The following GPAM variants were observed in gnomAD, a reference collection of about 807,000 sequenced individuals.
GPAM encodes the protein glycerol-3-phosphate acyltransferase, mitochondrial, also known as glycerol-3-phosphate acyltransferase 1, mitochondrial.
Under a neutral mutation model 105.0 loss-of-function variants are expected in GPAM, and 56 were observed. The ratio of observed to expected loss-of-function variants is 0.53; its 90% CI spans 0.43 to 0.67. The LOEUF (loss-of-function observed/expected upper bound fraction) is 0.67, where lower values mean the gene tolerates loss of function less well. Among genes scored for constraint, GPAM ranks in the 30% least tolerant of loss-of-function variants. The pLI, the probability that GPAM is intolerant of heterozygous loss-of-function variation, is 0.00. For missense variants in GPAM, 855 were observed against 989.8 expected (o/e 0.86, Z 1.83); for synonymous variants, 368 against 354.4 (o/e 1.04, Z -0.43).
chr10:112,219,456 C>T (rs577992969), upstream of GPAM, among the ~76,000 whole-genome samples: 5 of 152,294 alleles, frequency 3.3e-5, no homozygotes, highest in African/African-American at 9.6e-5. Context: ...GATCTTGATT[C>T]GTGGCACCAA....
In GPAM at chr10:112,169,864, T is replaced by C. The variant is rs534317026; in HGVS notation, c.795-912A>G. On this transcript the variant is annotated intron_variant, in intron 9 of 21. Transcript: ENST00000348367. The stretch of plus-strand genomic sequence containing the variant: ...CCTCCTGTCAGATCAGCAACAGCAT[T>C]AGATTCTCATAGGATAGGAGCGCAA... Among the ~76,000 whole-genome samples the C allele has an allele frequency of 1.2e-4, 18 of 152,254 alleles. No homozygotes were observed. The East Asian group carries it at 2.9e-3, about 25-fold the overall frequency.
intron 1 of GPAM, among the ~76,000 whole-genome samples, chr10:112,194,214 G>A (rs76975841): frequency 0.039 from 6,000 of 152,242 alleles, 394 homozygotes; most frequent in African/African-American, 0.14. Context: ...AATCCGCTTT[G>A]TTGGGTAAAG....
At chr10:112,198,218 C>T (rs535105095) in intron 1 of GPAM, among the ~76,000 whole-genome samples, 6 of 152,276 alleles carry the variant, frequency 3.9e-5, no homozygotes, top group African/African-American at 1.4e-4. Context: ...AATGTCCAGT[C>T]CCCTCAAAGT....
upstream of GPAM, among the ~76,000 whole-genome samples, chr10:112,218,872 A>C (rs1589616417): frequency 6.6e-6 from 1 of 152,176 alleles, no homozygotes. Context: ...CATTATAATT[A>C]ATACATAATG....
chr10:112,153,214 T>C lies in GPAM; in HGVS notation c.*336A>G. 1 of 1,150,836 alleles carries C rather than the reference T, an allele frequency of 8.7e-7. No individual in the cohort carries two copies. Among genetic ancestry groups the C allele is most frequent in the Non-Finnish European group, 1.1e-6 (1 of 924,578 alleles). The allele number at this position is 1,150,836 out of a possible 1,614,324, so 71.3% of individuals were successfully genotyped here. ...TCCAGAACACAGCTACATTTCTGTG[T>C]CCATCACAGTAATTAGTCCTTAAAA... On this transcript the variant is annotated 3_prime_UTR_variant, in exon 22 of 22. Coordinates refer to ENST00000348367, the MANE Select transcript of GPAM (RefSeq NM_001244949.2).
chr10:112,194,051 T>C (rs1847695023), intron 1 of GPAM, among the ~76,000 whole-genome samples: 1 of 152,238 alleles, frequency 6.6e-6, no homozygotes, highest in Non-Finnish European at 1.5e-5. Flanking sequence ...AGTTTGTTTC[T>C]TGCCTATGCT....
intron 1 of GPAM, among the ~76,000 whole-genome samples, chr10:112,203,036 G>A (rs1274611350): frequency 6.6e-6 from 1 of 152,178 alleles, no homozygotes; most frequent in Non-Finnish European, 1.5e-5. Context: ...AGTGGTGCTT[G>A]ACGGTGTGTA....
At chr10:112,185,842 T>A (rs758268878), upstream of GPAM, among the ~76,000 whole-genome samples, 1 of 151,288 alleles carries the variant, frequency 6.6e-6, no homozygotes, top group Non-Finnish European at 1.5e-5. Flanking sequence ...AATGAAACAC[T>A]AAGGGAAGAA....
At chr10:112,203,506 T>C (rs1012506254) in intron 1 of GPAM, among the ~76,000 whole-genome samples, 1 of 152,238 alleles carries the variant, frequency 6.6e-6, no homozygotes, top group Non-Finnish European at 1.5e-5. Flanking sequence ...GCTTTCCCAC[T>C]CTGCCCCTTT....
chr10:112,197,459 T>TC (rs35400825), intron 1 of GPAM, among the ~76,000 whole-genome samples: 161 of 150,548 alleles, frequency 1.1e-3, no homozygotes, highest in Non-Finnish European at 1.9e-3. Flanking sequence ...TTTTTTTTTT[T>TC]CAGTAGTGCA....
chr10:112,219,641 CACTT>C (rs1449057700), upstream of GPAM, among the ~76,000 whole-genome samples: 1 of 152,216 alleles, frequency 6.6e-6, no homozygotes, highest in African/African-American at 2.4e-5. Context: ...TGCAAGCTGT[CACTT>C]ATTACATTTT....
intron 1 of GPAM, among the ~76,000 whole-genome samples, chr10:112,190,499 T>TAAA (rs11446981): frequency 7.4e-6 from 1 of 135,942 alleles, no homozygotes. Flanking sequence ...GACTCCATCT[T>TAAA]AAAAAAAAAA....
intron 1 of GPAM, among the ~76,000 whole-genome samples, chr10:112,209,132 T>C (rs1847883033): frequency 6.6e-6 from 1 of 152,214 alleles, no homozygotes; most frequent in Admixed American, 6.5e-5. Flanking sequence ...CTGCACTAAA[T>C]TGCCTGTTGA....
At chr10:112,159,590 TGTTA>T (rs1366337805) in intron 17 of GPAM, among the ~76,000 whole-genome samples, 1 of 152,136 alleles carries the variant, frequency 6.6e-6, no homozygotes, top group African/African-American at 2.4e-5. Context: ...CAGGTGGGTG[TGTTA>T]ATTATTTACA....
intron 9 of GPAM, among the ~76,000 whole-genome samples, chr10:112,170,832 A>T (rs1398561374): frequency 6.6e-6 from 1 of 152,228 alleles, no homozygotes; most frequent in Non-Finnish European, 1.5e-5. Context: ...TCTTGTCTAA[A>T]GCACAGCTGG....
upstream of GPAM, among the ~76,000 whole-genome samples, chr10:112,216,160 T>C (rs1260799271): frequency 6.6e-6 from 1 of 152,224 alleles, no homozygotes; most frequent in Non-Finnish European, 1.5e-5. Flanking sequence ...TATAGACTGG[T>C]AGACAAACCC....
intron 20 of GPAM, chr10:112,155,599 G>T: frequency 2.7e-6 from 1 of 374,184 alleles, no homozygotes; most frequent in Non-Finnish European, 4.9e-6. Flanking sequence ...TTTATACAAT[G>T]GAACACTACA....
At chr10:112,210,723 T>C (rs1317168017) in intron 1 of GPAM, among the ~76,000 whole-genome samples, 1 of 152,164 alleles carries the variant, frequency 6.6e-6, no homozygotes, top group Non-Finnish European at 1.5e-5. Flanking sequence ...TCTGCAAACT[T>C]AGCCTCCCCA....
Position 112,160,638 on chromosome 10 carries a change from C to G in GPAM, c.1725G>C (p.Gly575=), listed in dbSNP as rs1847105354. The part of the protein sequence containing the change: ...SVFELNFYSN[G]VLHVFIMEAI... ...CCTCCATGATAAAGACATGAAGTAC[C>G]CCATTGCTGTAGAAGTTGAGTTCGA... is the stretch of plus-strand genomic sequence containing the variant. The change falls in exon 16 of 22, where the codon GGG becomes GGC. Residue 575 remains glycine (G), a synonymous_variant. Coordinates refer to ENST00000348367, the MANE Select transcript of GPAM (RefSeq NM_001244949.2). The G allele has an allele frequency of 2.5e-6, 4 of 1,613,094 alleles. No homozygotes were observed. The highest frequency in any genetic ancestry group is 3.4e-6 in the Non-Finnish European group (4 of 1,179,280).
Sources: gnomAD v4.1 joint callset for allele counts (sites outside exome capture counted in the v4.1 genomes callset) on GRCh38, gnomAD v4.1.1 for gene constraint, MANE v1.5 for transcripts, NCBI Gene and HGNC (gene_info 2026-07-23, HGNC 2026-07-21) for gene names.